Variants in ALG3 observed in about 807,000 individuals in gnomAD.
ALG3 encodes the protein ALG3 alpha-1,3- mannosyltransferase, also known as dol-P-Man:Man(5)GlcNAc(2)-PP-Dol alpha-1,3-mannosyltransferase.
In ALG3, 39 loss-of-function variants were observed where a neutral mutation model predicts 50.5. The observed-to-expected ratio is 0.77, with a 90% confidence interval of 0.60 to 1.01. The LOEUF (loss-of-function observed/expected upper bound fraction) is 1.01, where lower values mean the gene tolerates loss of function less well. Ranked by LOEUF, ALG3 falls within the 50% of genes least tolerant of loss-of-function variation. ALG3 has a pLI of 0.00. For missense variants in ALG3, 520 were observed against 554.8 expected (o/e 0.94, Z 0.63); for synonymous variants, 252 against 237.2 (o/e 1.06, Z -0.58).
At chr3:184,248,150 G>T (rs774901275) in intron 1 of ALG3, among the ~76,000 whole-genome samples, 1 of 151,864 alleles carries the variant, frequency 6.6e-6, no homozygotes, top group Non-Finnish European at 1.5e-5. Context: ...CACCGCGCCC[G>T]GCAGAAATGC....
At position 184,243,816 on chromosome 3, in the gene ALG3, G is replaced by C; in HGVS notation, c.907C>G (p.Leu303Val). 2 of 1,613,956 alleles carry C rather than the reference G, an allele frequency of 1.2e-6. No individual in the cohort carries two copies. The highest frequency in any genetic ancestry group is 2.2e-5 in the South Asian group (2 of 91,060). Residue 303 changes from leucine (L) to valine (V), a missense_variant, in exon 6 of 9, where the codon CTG becomes GTG. This residue lies in a region of ALG3 where 224 missense variants were observed against 272.8 expected (regional missense o/e 0.82). Transcript: ENST00000397676. ...CTGTGCCACCTGCAGAGGGCAAACA[G>C]CAGGAGCAGGGTGAGGTGGGCAGTC... ...LLTAHLTLLLLFALCRWHRTG... is the reference protein window; with the variant it reads ...LLTAHLTLLLVFALCRWHRTG...
intron 1 of ALG3, among the ~76,000 whole-genome samples, chr3:184,246,699 CAG>C (rs1362876751): frequency 1.4e-5 from 2 of 144,310 alleles, no homozygotes; most frequent in East Asian, 2.0e-4. Context: ...TTTTTTTTGA[CAG>C]AGTCTCACTC....
Position 184,244,666 on chromosome 3 carries a change from G to C in ALG3, c.661C>G (p.Leu221Val), listed in dbSNP as rs1281323130. The change falls in exon 5 of 9, where the codon CTT becomes GTT. Residue 221 changes from leucine (L) to valine (V), a missense_variant. Physicochemically the swap from Leu to Val is conservative, Grantham distance 32 (BLOSUM62 1). Around this residue, in one of 3 missense-constraint regions of ALG3, gnomAD observed 224 missense variants for 272.8 expected, o/e 0.82. Transcript: ENST00000397676. Reference sequence around the variant, plus strand: ...CGGAAGCCAAACTGTGTGAGGAGAAGAAACAGTAACCCAGGGGCGAAGAGC... The same window carrying C: ...CGGAAGCCAAACTGTGTGAGGAGAACAAACAGTAACCCAGGGGCGAAGAGC... ...VLLFAPGLLFLLLTQFGFRGA... is the reference protein window; with the variant it reads ...VLLFAPGLLFVLLTQFGFRGA... The C allele has an allele frequency of 5.0e-6, 8 of 1,611,032 alleles. No homozygotes were observed. The highest frequency in any genetic ancestry group is 6.8e-6 in the Non-Finnish European group (8 of 1,178,746).
chr3:184,247,425 G>A (rs1372846134), intron 1 of ALG3, among the ~76,000 whole-genome samples: 1 of 151,778 alleles, frequency 6.6e-6, no homozygotes, highest in African/African-American at 2.4e-5. Flanking sequence ...AACCTCCCGA[G>A]TAGCTGGGAT....
At position 184,244,607 on chromosome 3, in the gene ALG3, G is replaced by C. The variant is rs1719025013; in HGVS notation, c.720C>G (p.Gly240=). Reference sequence around the variant, plus strand: ...AAGGGTGAGATGGGGGTACCTGAAGGCCAGCACAGATTCCCAGCTTGGGGA... The same window carrying C: ...AAGGGTGAGATGGGGGTACCTGAAGCCCAGCACAGATTCCCAGCTTGGGGA... ...GALPKLGICA[G]LQVVLGLPFL... Residue 240 remains glycine (G), a synonymous_variant, in exon 5 of 9, where the codon GGC becomes GGG. Coordinates refer to ENST00000397676, the MANE Select transcript of ALG3 (RefSeq NM_005787.6). The C allele has an allele frequency of 6.2e-7, 1 of 1,609,474 alleles. No homozygotes were observed. Among genetic ancestry groups the C allele is most frequent in the East Asian group, 2.2e-5 (1 of 44,748 alleles).
Position 184,243,967 on chromosome 3 carries a change from C to A in ALG3, c.756G>T (p.Glu252Asp), listed in dbSNP as rs1423679061. 1.2e-6 allele frequency: 2 copies of A among 1,613,446 alleles called. No individual in the cohort carries two copies. The highest frequency in any genetic ancestry group is 1.7e-5 in the Admixed American group (1 of 60,020). ...AGCGGGACAGGTAGCCGCTGGGGTTCTCCAGCAGGAAGGGCAGCCCCAGCA... is the reference window on the plus strand; with the variant it reads ...AGCGGGACAGGTAGCCGCTGGGGTTATCCAGCAGGAAGGGCAGCCCCAGCA... Reference protein sequence around the residue: ...QVVLGLPFLLENPSGYLSRSF... With the variant: ...QVVLGLPFLLDNPSGYLSRSF... Residue 252 changes from glutamate (E) to aspartate (D), a missense_variant, in exon 6 of 9, where the codon GAG becomes GAT. Transcript: ENST00000397676.
At chr3:184,243,131 G>GGA in intron 7 of ALG3, 174 bp from the exon 8 acceptor site, 1 of 870,220 alleles carries the variant, frequency 1.1e-6, no homozygotes, top group Non-Finnish European at 1.8e-6. Flanking sequence ...TATGGAATAT[G>GGA]GAGAGAGTAA....
intron 1 of ALG3, among the ~76,000 whole-genome samples, chr3:184,246,812 G>T (rs1719178444): frequency 6.6e-6 from 1 of 151,954 alleles, no homozygotes; most frequent in Admixed American, 6.6e-5. Context: ...GAGTAGCTGG[G>T]ACTACAGGTG....
chr3:184,247,322 G>A (rs1373747384), intron 1 of ALG3, among the ~76,000 whole-genome samples: 1 of 144,582 alleles, frequency 6.9e-6, no homozygotes, highest in East Asian at 2.0e-4. Flanking sequence ...TTTTTGACAC[G>A]GAGCTTGCTC....
chr3:184,243,167 G>A (rs1289927400), intron 7 of ALG3: 2 of 678,580 alleles, frequency 2.9e-6, no homozygotes, highest in Non-Finnish European at 4.8e-6. Flanking sequence ...GGTCTTGTGG[G>A]TTTGAACCCC....
chr3:184,248,624 G>T, intron 1 of ALG3, 121 bp downstream of exon 1: 1 of 902,176 alleles, frequency 1.1e-6, no homozygotes, highest in Non-Finnish European at 1.7e-6. Context: ...GATATGGATG[G>T]GTTCGCAATT....
chr3:184,242,480 G>C lies in ALG3; in HGVS notation c.*34C>G. On this transcript the variant is annotated 3_prime_UTR_variant, in exon 9 of 9. Coordinates refer to ENST00000397676, the MANE Select transcript of ALG3 (RefSeq NM_005787.6). ...AGTCCAACCAACCCCAGGTCCTGAGGGTAGACTCAGGTCCTGAGGGAAAGG... is the reference window on the plus strand; with the variant it reads ...AGTCCAACCAACCCCAGGTCCTGAGCGTAGACTCAGGTCCTGAGGGAAAGG... 6.2e-7 allele frequency: 1 copy of C among 1,605,280 alleles called. No homozygotes were observed. Among genetic ancestry groups the C allele is most frequent in the Non-Finnish European group, 8.5e-7 (1 of 1,175,860 alleles).
At chr3:184,243,127 A>G (rs1225523455) in intron 7 of ALG3, 170 bp from the exon 8 acceptor site, 1 of 890,824 alleles carries the variant, frequency 1.1e-6, no homozygotes, top group Non-Finnish European at 1.7e-6. Flanking sequence ...CAAATATGGA[A>G]TATGGAGAGA....
chr3:184,247,831 T>C (rs1487632349), intron 1 of ALG3, among the ~76,000 whole-genome samples: 1 of 151,894 alleles, frequency 6.6e-6, no homozygotes, highest in African/African-American at 2.4e-5. Context: ...CAGGCCCGAG[T>C]TAGAAATGCA....
At chr3:184,245,140 T>C (rs779398730) in intron 4 of ALG3, 58 bp downstream of exon 4, 33 of 1,599,540 alleles carry the variant, frequency 2.1e-5, no homozygotes, top group Middle Eastern at 1.7e-4. Context: ...CTGCAGGAAA[T>C]TGGGAAGAGA....
chr3:184,249,500 A>G, upstream of ALG3: 1 of 758,210 alleles, frequency 1.3e-6, no homozygotes, highest in Non-Finnish European at 2.1e-6. Context: ...GTACAGCCGG[A>G]GGATTCAGGG....
At chr3:184,248,458 G>GCAA (rs1034751010) in intron 1 of ALG3, among the ~76,000 whole-genome samples, 3 of 152,114 alleles carry the variant, frequency 2.0e-5, no homozygotes, top group African/African-American at 7.2e-5. Flanking sequence ...AGCAGCAGCA[G>GCAA]CAGCAGTACA....
At position 184,242,824 on chromosome 3, in the gene ALG3, T is replaced by C. The variant is rs769153224; in HGVS notation, c.1143A>G (p.Thr381=). The change falls in exon 8 of 9, where the codon ACA becomes ACG. Residue 381 remains threonine, a synonymous_variant. Transcript: ENST00000397676. ...LLWAMPARWL[T]HLLRLLVLGL... ...GTCCCAGCTGGTACCTGAGCAGGTG[T>C]GTGAGCCAGCGTGCAGGCATGGCCC... 6.8e-6 allele frequency: 11 copies of C among 1,613,756 alleles called. No individual in the cohort carries two copies. The East Asian group carries it at 2.2e-4, about 33-fold the overall frequency.
chr3:184,247,346 G>T (rs1274633184), intron 1 of ALG3, among the ~76,000 whole-genome samples: 1 of 150,026 alleles, frequency 6.7e-6, no homozygotes, highest in Non-Finnish European at 1.5e-5. Flanking sequence ...CACCCAGGCT[G>T]GAGTACAGTG....
Sources: gnomAD v4.1 joint callset for allele counts (sites outside exome capture counted in the v4.1 genomes callset) on GRCh38, gnomAD v4.1.1 for gene constraint, gnomAD v4.1.1 regional missense constraint, MANE v1.5 for transcripts, NCBI Gene and HGNC (gene_info 2026-07-23, HGNC 2026-07-21) for gene names.